The following SELPLG variants were observed in gnomAD, a reference collection of about 807,000 sequenced individuals.
SELPLG encodes selectin P ligand.
In SELPLG, 2 loss-of-function variants were observed where a neutral mutation model predicts 1.1. That is an observed-to-expected ratio of 1.82 (90% CI 0.74 to 5.71). The LOEUF (loss-of-function observed/expected upper bound fraction) is 5.71, where lower values mean the gene tolerates loss of function less well. SELPLG is among the 30% of genes most tolerant of loss of function. The pLI is 0.05. For missense variants in SELPLG, 478 were observed against 524.7 expected (o/e 0.91, Z 0.87); for synonymous variants, 230 against 221.2 (o/e 1.04, Z -0.35).
rs770136272 is a variant in SELPLG at position 108,624,028 on chromosome 12, C to T, written c.280G>A (p.Asp94Asn). Residue 94 changes from aspartate (D) to asparagine (N), a missense_variant, in exon 2 of 2, where the codon GAT (aspartate) becomes AAT (asparagine). By Grantham distance (23) the Asp-to-Asn change is conservative (BLOSUM62 1). Transcript: ENST00000550948. ...EPAARRSTGL[D>N]AGGAVTELTT... is the part of the protein sequence containing the mutation. ...AGCTCTGTGACTGCCCCTCCTGCAT[C>T]CAGGCCAGTAGAACGCCTTGCAGCA... is the stretch of plus-strand genomic sequence containing the variant. 4.3e-6 allele frequency: 7 copies of T among 1,614,136 alleles called. No homozygotes were observed. In the East Asian group the frequency reaches 1.6e-4, roughly 36 times the overall value.
In SELPLG at chr12:108,622,742, GGGAGAT is replaced by G. The variant is rs1031734660; in HGVS notation, c.*321_*326del. 7.4e-5 allele frequency: 22 copies of G among 295,640 alleles called. No individual in the cohort carries two copies. The highest frequency in any genetic ancestry group is 1.4e-4 in the Non-Finnish European group (22 of 158,358). The allele number at this position is 295,640 out of a possible 1,614,324, so 18.3% of individuals were successfully genotyped here. A position where few individuals can be genotyped will look rare whatever the true frequency, so the allele number is the denominator to read the frequency against. ...GACCAGGAGAAGCGGGGAGAGCCATGGGAGATGTTAGAGGGACCCAGAGAAGATGGG... is the reference window on the plus strand; with the variant it reads ...GACCAGGAGAAGCGGGGAGAGCCATGGTTAGAGGGACCCAGAGAAGATGGG... On this transcript the variant is annotated 3_prime_UTR_variant, in exon 2 of 2. Transcript: ENST00000550948.
chr12:108,630,767 A>G (rs1592822621), intron 1 of SELPLG, among the ~76,000 whole-genome samples: 1 of 152,302 alleles, frequency 6.6e-6, no homozygotes, highest in African/African-American at 2.4e-5. Context: ...GCCTTTCCAG[A>G]TTGCCCCAGG....
chr12:108,622,743 G>T lies in SELPLG; in HGVS notation c.*326C>A. ...ACCAGGAGAAGCGGGGAGAGCCATG[G>T]GAGATGTTAGAGGGACCCAGAGAAG... On this transcript the variant is annotated 3_prime_UTR_variant, in exon 2 of 2. Coordinates refer to ENST00000550948, the MANE Select transcript of SELPLG (RefSeq NM_003006.4). 1 of 297,562 alleles carries T rather than the reference G, an allele frequency of 3.4e-6. No homozygotes were observed. Among genetic ancestry groups the T allele is most frequent in the African/African-American group, 2.2e-5 (1 of 46,480 alleles). The allele number at this position is 297,562 out of a possible 1,614,324, so 18.4% of individuals were successfully genotyped here.
At chr12:108,624,376 C>T in intron 1 of SELPLG, 64 bp from the exon 2 acceptor site, 1 of 1,464,868 alleles carries the variant, frequency 6.8e-7, no homozygotes, top group South Asian at 1.3e-5. Context: ...AGCAAGCACC[C>T]TAGACCACCA....
At chr12:108,633,177 A>G (rs896495104) in intron 1 of SELPLG, among the ~76,000 whole-genome samples, 15 of 152,168 alleles carry the variant, frequency 9.9e-5, no homozygotes, top group Non-Finnish European at 1.9e-4. Context: ...CCGCCAAGCC[A>G]GACGCTGCAG....
chr12:108,625,661 C>T (rs1328940941), intron 1 of SELPLG, among the ~76,000 whole-genome samples: 1 of 152,184 alleles, frequency 6.6e-6, no homozygotes, highest in Non-Finnish European at 1.5e-5. Flanking sequence ...CTACATTGTC[C>T]TCCCTACTAG....
chr12:108,622,883 T>C lies in SELPLG; in HGVS notation c.*186A>G, dbSNP rs148497077. 2,263 of 546,218 alleles carry C rather than the reference T, an allele frequency of 4.1e-3. 10 individuals carry two copies. Among genetic ancestry groups the C allele is most frequent in the Non-Finnish European group, 5.6e-3 (1,828 of 326,442 alleles). 33.8% of individuals were successfully genotyped at this position (546,218 alleles called of 1,614,324 possible). ...GGAGGGAGGAAAGAGGTGGCTCCAC[T>C]TGCCCGTCTGCTTGGCCCCAGGCTG... is the stretch of plus-strand genomic sequence containing the variant. On this transcript the variant is annotated 3_prime_UTR_variant, in exon 2 of 2. Transcript: ENST00000550948.
At position 108,624,053 on chromosome 12, in the gene SELPLG, A is replaced by G; in HGVS notation, c.255T>C (p.Pro85=). The G allele has an allele frequency of 6.2e-7, 1 of 1,614,226 alleles. No homozygotes were observed. Among genetic ancestry groups the G allele is most frequent in the Non-Finnish European group, 8.5e-7 (1 of 1,180,042 alleles). ...PGTPESTTVE[P]AARRSTGLDA... ...CCAGGCCAGTAGAACGCCTTGCAGCAGGCTCCACAGTGGTAGACTCAGGGG... is the reference window on the plus strand; with the variant it reads ...CCAGGCCAGTAGAACGCCTTGCAGCGGGCTCCACAGTGGTAGACTCAGGGG... The change falls in exon 2 of 2, where the codon CCT becomes CCC. Residue 85 remains proline, a synonymous_variant. Coordinates refer to ENST00000550948, the MANE Select transcript of SELPLG (RefSeq NM_003006.4).
rs572274326 is a variant in SELPLG, at chr12:108,622,022, G to A, written c.*1047C>T. On this transcript the variant is annotated 3_prime_UTR_variant, in exon 2 of 2. Transcript: ENST00000550948. ...GAAGTGGAATAAAGTGGTCACTGGT[G>A]GGGAAGGGGCAGCCCTCCCTTTGGC... 1.3e-5 allele frequency among the ~76,000 whole-genome samples: 2 copies of A among 152,298 alleles called. No individual in the cohort carries two copies. Among genetic ancestry groups the A allele is most frequent in the African/African-American group, 2.4e-5 (1 of 41,554 alleles).
chr12:108,624,351 T>A (rs1252608833), intron 1 of SELPLG, 39 bp from the exon 2 acceptor site: 10 of 1,591,706 alleles, frequency 6.3e-6, no homozygotes, highest in Non-Finnish European at 8.6e-6. Flanking sequence ...TCAAGACAGT[T>A]TCACCCTTGG....
At position 108,624,281 on chromosome 12, in the gene SELPLG, C is replaced by T; in HGVS notation, c.27G>A (p.Leu9=). ...AGCTGTTGCCAGGGCCCAGTAGGAT[C>T]AGCAACAGGAGGAGTTGCAGAGGCA... is the stretch of plus-strand genomic sequence containing the variant. MPLQLLLL[L]ILLGPGNSLQ... The change falls in exon 2 of 2, where the codon CTG becomes CTA. Residue 9 remains leucine (L), a synonymous_variant. Coordinates refer to ENST00000550948, the MANE Select transcript of SELPLG (RefSeq NM_003006.4). 1 of 1,614,040 alleles carries T rather than the reference C, an allele frequency of 6.2e-7. No individual in the cohort carries two copies. The highest frequency in any genetic ancestry group is 8.5e-7 in the Non-Finnish European group (1 of 1,179,958).
chr12:108,625,848 G>A (rs988482116), intron 1 of SELPLG, among the ~76,000 whole-genome samples: 23 of 152,256 alleles, frequency 1.5e-4, no homozygotes, highest in African/African-American at 5.5e-4. Context: ...TGACAGCCAC[G>A]TTCTGGGGCA....
At chr12:108,626,577 G>A (rs1397025088) in intron 1 of SELPLG, among the ~76,000 whole-genome samples, 1 of 152,200 alleles carries the variant, frequency 6.6e-6, no homozygotes, top group Non-Finnish European at 1.5e-5. Flanking sequence ...GCTCACTGCA[G>A]CTTCGACCTC....
intron 1 of SELPLG, among the ~76,000 whole-genome samples, chr12:108,626,572 C>T (rs1399414516): frequency 1.3e-5 from 2 of 152,250 alleles, no homozygotes; most frequent in African/African-American, 2.4e-5. Flanking sequence ...TTATAGCTCA[C>T]TGCAGCTTCG....
At chr12:108,629,763 T>A (rs8179123) in intron 1 of SELPLG, among the ~76,000 whole-genome samples, 1 of 152,090 alleles carries the variant, frequency 6.6e-6, no homozygotes, top group African/African-American at 2.4e-5. Context: ...CTCTGAGAGA[T>A]CTTGTCTCAG....
chr12:108,632,030 C>T, intron 1 of SELPLG: 3 of 1,110,804 alleles, frequency 2.7e-6, no homozygotes, highest in Non-Finnish European at 3.9e-6. Flanking sequence ...CCTCAGTTTT[C>T]TCATCTGTAA....
At position 108,621,968 on chromosome 12, in the gene SELPLG, ACT is replaced by A. The variant is rs2031831152; in HGVS notation, c.*1099_*1100del. Among the ~76,000 whole-genome samples the A allele has an allele frequency of 2.6e-5, 4 of 152,026 alleles. No homozygotes were observed. Among genetic ancestry groups the A allele is most frequent in the Admixed American group, 2.6e-4 (4 of 15,270 alleles). On this transcript the variant is annotated 3_prime_UTR_variant, in exon 2 of 2. Transcript: ENST00000550948. ...TGGTCCGAGGTTTGGGGGGGACCAA[ACT>A]CTGTGGGCCAAAACTGGGTAATGGA...
intron 1 of SELPLG, among the ~76,000 whole-genome samples, chr12:108,632,793 G>A (rs576213611): frequency 2.5e-4 from 38 of 152,168 alleles, no homozygotes; most frequent in African/African-American, 8.0e-4. Context: ...TGGGATTACA[G>A]GTGTAAGCCA....
At chr12:108,626,283 C>T (rs1287876052) in intron 1 of SELPLG, among the ~76,000 whole-genome samples, 2 of 151,876 alleles carry the variant, frequency 1.3e-5, no homozygotes, top group Non-Finnish European at 2.9e-5. Flanking sequence ...TACAGGCGCA[C>T]ACAACTATGC....
Sources: gnomAD v4.1 joint callset for allele counts (sites outside exome capture counted in the v4.1 genomes callset) on GRCh38, gnomAD v4.1.1 for gene constraint, MANE v1.5 for transcripts, NCBI Gene and HGNC (gene_info 2026-07-23, HGNC 2026-07-21) for gene names.